The following NRTN variants were observed in gnomAD, a reference collection of about 807,000 sequenced individuals.
NRTN encodes the protein neurturin, also known as prepro-neurturin.
NRTN carries 3 observed loss-of-function variants against 7.5 expected under a neutral mutation model. The observed-to-expected ratio is 0.40, with a 90% CI of 0.18 to 1.03. The LOEUF (loss-of-function observed/expected upper bound fraction) is 1.03. Ranked by LOEUF, NRTN falls within the 50% of genes least tolerant of loss-of-function variation. NRTN has a pLI of 0.34. For missense variants in NRTN, 310 were observed against 307.0 expected (o/e 1.01, Z -0.07); for synonymous variants, 157 against 146.6 (o/e 1.07, Z -0.51).
Position 5,823,821 on chromosome 19 carries a change from GC to G in NRTN, c.-343del. 1 of 433,482 alleles carries G rather than the reference GC, an allele frequency of 2.3e-6. No homozygotes were observed. The highest frequency in any genetic ancestry group is 2.3e-5 in the South Asian group (1 of 43,236). 26.9% of individuals were successfully genotyped at this position (433,482 alleles called of 1,614,324 possible). ...CCTGGGATACGCCACACTCAGTCTGGCCTCGGGGCCTTTGCACTGGCTGTGT... is the reference window on the plus strand; with the variant it reads ...CCTGGGATACGCCACACTCAGTCTGGCTCGGGGCCTTTGCACTGGCTGTGT... On this transcript the variant is annotated 5_prime_UTR_variant, in exon 2 of 3. The change creates a premature stop within an existing upstream ORF in the 5' untranslated region. Transcript: ENST00000303212.
chr19:5,809,728 C>A (rs1429018720), intron 1 of NRTN, among the ~76,000 whole-genome samples: 1 of 152,110 alleles, frequency 6.6e-6, no homozygotes, highest in Non-Finnish European at 1.5e-5. Flanking sequence ...GCCACTGGGG[C>A]CTTTTACTGG....
rs2056971890 is a variant in NRTN, at chr19:5,805,337, C to G, written c.-513C>G. Among the ~76,000 whole-genome samples the G allele has an allele frequency of 6.9e-6, 1 of 145,632 alleles. No homozygotes were observed. The highest frequency in any genetic ancestry group is 6.8e-5 in the Admixed American group (1 of 14,720). On this transcript the variant is annotated 5_prime_UTR_variant, in exon 1 of 3. Coordinates refer to ENST00000303212, the MANE Select transcript of NRTN (RefSeq NM_004558.5). ...CCCGCCCGCGGCCGCCCCCTCCGGC[C>G]CGGGCCCCCCCCGGGCACCGCGGGC... is the stretch of plus-strand genomic sequence containing the variant.
intron 1 of NRTN, among the ~76,000 whole-genome samples, chr19:5,809,335 T>C (rs1189303354): frequency 6.6e-6 from 1 of 151,884 alleles, no homozygotes; most frequent in Admixed American, 6.6e-5. Context: ...CAAGCCCAGC[T>C]AATTTTAAAA....
Position 5,828,007 on chromosome 19 carries a change from T to C in NRTN, c.428T>C (p.Leu143Pro). ...ACEAAARVYD[L>P]GLRRLRQRRR... ...GAGGCTGCCGCGCGCGTCTACGACCTCGGGCTGCGACGACTGCGCCAGCGG... is the reference window on the plus strand; with the variant it reads ...GAGGCTGCCGCGCGCGTCTACGACCCCGGGCTGCGACGACTGCGCCAGCGG... The change falls in exon 3 of 3, where the codon CTC (leucine) becomes CCC (proline). Residue 143 changes from leucine (L) to proline (P), a missense_variant. By Grantham distance (98) the Leu-to-Pro change is moderately conservative. Transcript: ENST00000303212. 1 of 1,449,298 alleles carries C rather than the reference T, an allele frequency of 6.9e-7. No homozygotes were observed. The highest frequency in any genetic ancestry group is 9.0e-7 in the Non-Finnish European group (1 of 1,107,418). 89.8% of individuals were successfully genotyped at this position (1,449,298 alleles called of 1,614,324 possible). A position where few individuals can be genotyped will look rare whatever the true frequency, so the allele number is the denominator to read the frequency against.
At chr19:5,814,167 T>C (rs2056998500) in intron 1 of NRTN, among the ~76,000 whole-genome samples, 1 of 152,006 alleles carries the variant, frequency 6.6e-6, no homozygotes, top group Admixed American at 6.6e-5. Context: ...ATTCTCAAAG[T>C]CAGCCCTGTG....
At position 5,827,996 on chromosome 19, in the gene NRTN, C is replaced by T. The variant is rs941648895; in HGVS notation, c.417C>T (p.Arg139=). Residue 139 remains arginine, a synonymous_variant, in exon 3 of 3, where the codon CGC becomes CGT. Transcript: ENST00000303212. The stretch of plus-strand genomic sequence containing the variant: ...CAGGCGCCTGCGAGGCTGCCGCGCG[C>T]GTCTACGACCTCGGGCTGCGACGAC... The part of the protein sequence containing the change: ...YCAGACEAAA[R]VYDLGLRRLR... 8 of 1,460,440 alleles carry T rather than the reference C, an allele frequency of 5.5e-6. No individual in the cohort carries two copies. Among genetic ancestry groups the T allele is most frequent in the Middle Eastern group, 4.4e-4 (2 of 4,540 alleles). 90.5% of individuals were successfully genotyped at this position (1,460,440 alleles called of 1,614,324 possible).
intron 2 of NRTN, 107 bp downstream of exon 2, chr19:5,824,441 G>A (rs1427174300): frequency 1.4e-6 from 2 of 1,384,384 alleles, no homozygotes; most frequent in Non-Finnish European, 2.0e-6. Context: ...TTTAAAGATA[G>A]GGCCAGCCAG....
chr19:5,813,615 A>C (rs2056996789), intron 1 of NRTN, among the ~76,000 whole-genome samples: 1 of 151,722 alleles, frequency 6.6e-6, no homozygotes, highest in Admixed American at 6.6e-5. Context: ...CGGAGGTTGC[A>C]GTGAGCTGTG....
chr19:5,808,048 A>G (rs1256764704), intron 1 of NRTN, among the ~76,000 whole-genome samples: 1 of 152,138 alleles, frequency 6.6e-6, no homozygotes, highest in African/African-American at 2.4e-5. Flanking sequence ...GCACCACTGC[A>G]CTCCAGCCTG....
chr19:5,823,039 GA>G (rs1219912561), intron 1 of NRTN, among the ~76,000 whole-genome samples: 1 of 146,800 alleles, frequency 6.8e-6, no homozygotes, highest in African/African-American at 2.5e-5. Flanking sequence ...AAAAGAAAGA[GA>G]GAGAGAGAAA....
intron 1 of NRTN, among the ~76,000 whole-genome samples, chr19:5,810,014 C>T (rs1241424139): frequency 1.3e-5 from 2 of 151,660 alleles, no homozygotes; most frequent in Non-Finnish European, 2.9e-5. Flanking sequence ...GCCTATAATC[C>T]CAGCACTTTG....
chr19:5,815,222 TTG>T (rs1374785830), intron 1 of NRTN, among the ~76,000 whole-genome samples: 1 of 152,160 alleles, frequency 6.6e-6, no homozygotes, highest in East Asian at 1.9e-4. Flanking sequence ...ATGGATGCTC[TTG>T]TGTGTGTCTC....
In NRTN at chr19:5,824,334, T is replaced by C. The variant is rs1423318264; in HGVS notation, c.169T>C (p.Tyr57His). ...LDARIARLAQ[Y>H]RALLQGAPDA... ...CGCCCGGATTGCCCGCCTGGCCCAG[T>C]GTAAGCTCCTCCTCTGTGTGGGGTC... The change falls in exon 2 of 3, where the codon TAC becomes CAC. Residue 57 changes from tyrosine (Y) to histidine (H), a missense_variant and splice_region_variant. Coordinates refer to ENST00000303212, the MANE Select transcript of NRTN (RefSeq NM_004558.5). 1 of 1,598,972 alleles carries C rather than the reference T, an allele frequency of 6.3e-7. No homozygotes were observed. The highest frequency in any genetic ancestry group is 8.5e-7 in the Non-Finnish European group (1 of 1,175,088).
Position 5,828,045 on chromosome 19 carries a change from C to G in NRTN, c.466C>G (p.Arg156Gly). The change falls in exon 3 of 3, where the codon CGG (arginine) becomes GGG (glycine). Residue 156 changes from arginine (R) to glycine (G), a missense_variant. Arg to Gly is a moderately radical substitution (Grantham distance 125). Transcript: ENST00000303212. Reference protein sequence around the residue: ...RRLRQRRRLRRERVRAQPCCR... With the variant: ...RRLRQRRRLRGERVRAQPCCR... ...ACTGCGCCAGCGGCGGCGCCTGCGG[C>G]GGGAGCGGGTGCGCGCGCAGCCCTG... 1 of 1,411,250 alleles carries G rather than the reference C, an allele frequency of 7.1e-7. No individual in the cohort carries two copies. The allele number at this position is 1,411,250 out of a possible 1,614,324, so 87.4% of individuals were successfully genotyped here.
At chr19:5,810,341 G>C (rs2056986415) in intron 1 of NRTN, among the ~76,000 whole-genome samples, 1 of 151,380 alleles carries the variant, frequency 6.6e-6, no homozygotes, top group Non-Finnish European at 1.5e-5. Flanking sequence ...TTGAACTCCT[G>C]GTCTCAAGCA....
chr19:5,818,630 A>G (rs1265702216), intron 1 of NRTN, among the ~76,000 whole-genome samples: 2 of 151,534 alleles, frequency 1.3e-5, no homozygotes, highest in Non-Finnish European at 2.9e-5. Flanking sequence ...GACAGTGGGC[A>G]CTCCTGTACC....
intron 1 of NRTN, among the ~76,000 whole-genome samples, chr19:5,819,856 G>GGA (rs2057017363): frequency 6.9e-6 from 1 of 145,692 alleles, no homozygotes; most frequent in African/African-American, 2.5e-5. Flanking sequence ...TCTCAAGAAA[G>GGA]AAAAAAAAAA....
In NRTN at chr19:5,824,093, C is replaced by A. The variant is rs878886915; in HGVS notation, c.-73C>A. On this transcript the variant is annotated 5_prime_UTR_variant, in exon 2 of 3. Transcript: ENST00000303212. The stretch of plus-strand genomic sequence containing the variant: ...GGCCCCACACTGAGTCCTGGCCCAG[C>A]GCCCTGTGCCCGTTGGCTGCTGGAG... 6.3e-6 allele frequency: 10 copies of A among 1,579,378 alleles called. No homozygotes were observed. The highest frequency in any genetic ancestry group is 7.7e-6 in the Non-Finnish European group (9 of 1,163,154).
chr19:5,816,667 C>T (rs199609480), intron 1 of NRTN, among the ~76,000 whole-genome samples: 4 of 152,294 alleles, frequency 2.6e-5, no homozygotes, highest in East Asian at 3.9e-4. Context: ...CAGACGTGAG[C>T]CACCGTGCCC....
Sources: allele counts gnomAD v4.1 joint callset (sites outside exome capture counted in the v4.1 genomes callset), GRCh38; gene constraint gnomAD v4.1.1; transcripts MANE v1.5; gene names NCBI Gene and HGNC (gene_info 2026-07-23, HGNC 2026-07-21).